The following ASTN1 variants were observed in gnomAD, a reference collection of about 807,000 sequenced individuals.
ASTN1 encodes astrotactin-1.
ASTN1 carries 41 observed loss-of-function variants against 140.7 expected under a neutral mutation model. That is an observed-to-expected ratio of 0.29 (90% confidence interval 0.23 to 0.38). ASTN1 has a LOEUF of 0.38. Ranked by LOEUF, ASTN1 falls within the 10% of genes least tolerant of loss-of-function variation. ASTN1 has a pLI of 1.00. For missense variants in ASTN1, 1,479 were observed against 1,678.8 expected, an observed-to-expected ratio of 0.88 and a Z score of 2.08; for synonymous variants, 640 against 652.2, an observed-to-expected ratio of 0.98 and a Z score of 0.29.
At chr1:176,986,980 C>T (rs536708309) in intron 8 of ASTN1, among the ~76,000 whole-genome samples, 26 of 152,166 alleles carry the variant, frequency 1.7e-4, no homozygotes, top group Admixed American at 3.3e-4. Context: ...TGGGGGCAAG[C>T]GTGGATTTTG....
In ASTN1 at chr1:176,894,845, T is replaced by C. The variant is rs774244871; in HGVS notation, c.2672-15A>G. 1.2e-6 allele frequency: 2 copies of C among 1,612,544 alleles called. No homozygotes were observed. The highest frequency in any genetic ancestry group is 1.1e-5 in the South Asian group (1 of 91,064). ...TGGGGAGTTGCCTGCAGACACAAAA[T>C]GGAAAGAAACAGTGAAGGAGTCAAA... On this transcript the variant is annotated splice_polypyrimidine_tract_variant and intron_variant, in intron 16 of 22. Transcript: ENST00000361833.
chr1:176,886,058 G>A (rs571138911), intron 18 of ASTN1, among the ~76,000 whole-genome samples: 8 of 151,996 alleles, frequency 5.3e-5, no homozygotes, highest in East Asian at 1.9e-4. Flanking sequence ...CATTAGGAAC[G>A]TTAAATAAGT....
intron 9 of ASTN1, among the ~76,000 whole-genome samples, chr1:176,964,891 A>G (rs1288225184): frequency 6.6e-6 from 1 of 152,174 alleles, no homozygotes; most frequent in Non-Finnish European, 1.5e-5. Flanking sequence ...TAACAAATGC[A>G]GAGTCTGGTG....
intron 21 of ASTN1, among the ~76,000 whole-genome samples, chr1:176,869,775 C>G (rs1041613961): frequency 6.6e-6 from 1 of 152,102 alleles, no homozygotes; most frequent in South Asian, 2.1e-4. Context: ...TACCAGGGTT[C>G]CTGCCAAAGT....
intron 1 of ASTN1, among the ~76,000 whole-genome samples, chr1:177,076,139 C>T (rs1358428318): frequency 4.0e-5 from 6 of 151,556 alleles, no homozygotes; most frequent in East Asian, 4.0e-4. Context: ...ATTAGCTGGG[C>T]GTGGTTGCAC....
At chr1:176,990,637 A>G (rs1415711450) in intron 8 of ASTN1, among the ~76,000 whole-genome samples, 1 of 152,084 alleles carries the variant, frequency 6.6e-6, no homozygotes. Context: ...GAAAGAGAAA[A>G]TATGGCTGTT....
At chr1:177,146,211 T>C (rs1682714455) in intron 1 of ASTN1, among the ~76,000 whole-genome samples, 1 of 152,210 alleles carries the variant, frequency 6.6e-6, no homozygotes, top group Non-Finnish European at 1.5e-5. Context: ...TGGATACTCA[T>C]CTCCACTTCT....
At chr1:177,141,236 A>C (rs1682456530) in intron 1 of ASTN1, among the ~76,000 whole-genome samples, 1 of 152,056 alleles carries the variant, frequency 6.6e-6, no homozygotes, top group Admixed American at 6.5e-5. Flanking sequence ...CAAACAAACA[A>C]AAAAAACAAA....
chr1:176,994,562 C>A (rs569983897), intron 8 of ASTN1, among the ~76,000 whole-genome samples: 1 of 152,036 alleles, frequency 6.6e-6, no homozygotes, highest in Non-Finnish European at 1.5e-5. Flanking sequence ...AGGCTGGTCT[C>A]GAACTCCTGA....
chr1:177,038,408 G>A (rs1409764235), intron 2 of ASTN1, among the ~76,000 whole-genome samples: 1 of 152,146 alleles, frequency 6.6e-6, no homozygotes, highest in Non-Finnish European at 1.5e-5. Flanking sequence ...GCAGCGCCTG[G>A]CATAAAGCAG....
chr1:176,996,859 C>T (rs1319312644), intron 8 of ASTN1, among the ~76,000 whole-genome samples: 4 of 152,154 alleles, frequency 2.6e-5, no homozygotes, highest in Non-Finnish European at 4.4e-5. Context: ...GTGTCCAATA[C>T]CACCCTCCCC....
intron 8 of ASTN1, 100 bp downstream of exon 8, chr1:177,014,691 C>T: frequency 2.8e-6 from 3 of 1,086,044 alleles, no homozygotes; most frequent in Non-Finnish European, 4.1e-6. Flanking sequence ...AATATAGCCA[C>T]CCTTTAGCTC....
chr1:177,128,153 A>G (rs1305645074), intron 1 of ASTN1, among the ~76,000 whole-genome samples: 1 of 152,220 alleles, frequency 6.6e-6, no homozygotes, highest in Non-Finnish European at 1.5e-5. Context: ...GGAAAACAAG[A>G]TAATTTTGAA....
intron 16 of ASTN1, among the ~76,000 whole-genome samples, chr1:176,923,685 C>T (rs965576368): frequency 2.0e-5 from 3 of 151,056 alleles, no homozygotes; most frequent in Non-Finnish European, 4.4e-5. Flanking sequence ...TATGTAGGTA[C>T]AGAAAAAAAA....
intron 9 of ASTN1, among the ~76,000 whole-genome samples, chr1:176,961,852 C>T (rs1479862615): frequency 6.6e-6 from 1 of 152,156 alleles, no homozygotes; most frequent in Non-Finnish European, 1.5e-5. Flanking sequence ...TTTCCCAACT[C>T]GGGCCTTCTC....
chr1:176,910,200 G>A (rs182111760), intron 16 of ASTN1, among the ~76,000 whole-genome samples: 12 of 152,316 alleles, frequency 7.9e-5, no homozygotes, highest in Non-Finnish European at 1.6e-4. Flanking sequence ...AGTAAGAAGC[G>A]AATGTTATCA....
intron 1 of ASTN1, among the ~76,000 whole-genome samples, chr1:177,086,578 C>T (rs1679480056): frequency 6.6e-6 from 1 of 152,082 alleles, no homozygotes; most frequent in African/African-American, 2.4e-5. Context: ...TACTAAATGC[C>T]AAAAACCATC....
Position 176,872,684 on chromosome 1 carries a change from C to T in ASTN1, c.3464-3657G>A, listed in dbSNP as rs539649704. Among the ~76,000 whole-genome samples, 177 of 152,232 alleles carry T rather than the reference C, an allele frequency of 1.2e-3. 1 individual carries two copies. The highest frequency in any genetic ancestry group is 3.9e-3 in the African/African-American group (162 of 41,530). On this transcript the variant is annotated intron_variant, in intron 21 of 22. Transcript: ENST00000361833. ...TGACCAGGCCCTGTGGAATCTTCCCCACACTCTTGGAGCTCCTCTCCTGCT... is the reference window on the plus strand; with the variant it reads ...TGACCAGGCCCTGTGGAATCTTCCCTACACTCTTGGAGCTCCTCTCCTGCT...
chr1:176,997,257 T>G (rs1303469769), intron 8 of ASTN1, among the ~76,000 whole-genome samples: 1 of 152,178 alleles, frequency 6.6e-6, no homozygotes, highest in Non-Finnish European at 1.5e-5. Flanking sequence ...GATCCCTAGT[T>G]CACAGGGGAG....
Sources: allele counts gnomAD v4.1 joint callset (sites outside exome capture counted in the v4.1 genomes callset), GRCh38; gene constraint gnomAD v4.1.1; transcripts MANE v1.5; gene names NCBI Gene and HGNC (gene_info 2026-07-23, HGNC 2026-07-21).